The following RAB19 variants were observed in gnomAD, a reference collection of about 807,000 sequenced individuals.
The protein encoded by RAB19 is ras-related protein Rab-19.
In RAB19, 21 loss-of-function variants were observed where a neutral mutation model predicts 17.3. That is an observed-to-expected ratio of 1.21 (90% confidence interval 0.86 to 1.74). RAB19 has a LOEUF of 1.74. RAB19 is among the 40% of genes most tolerant of loss of function. The pLI, the probability that RAB19 is intolerant of heterozygous loss-of-function variation, is 0.00. For missense variants in RAB19, 277 were observed against 286.8 expected (o/e 0.97, Z 0.25); for synonymous variants, 126 against 110.4 (o/e 1.14, Z -0.88).
intron 2 of RAB19, among the ~76,000 whole-genome samples, chr7:140,409,682 A>T (rs892120750): frequency 6.6e-6 from 1 of 151,878 alleles, no homozygotes; most frequent in Non-Finnish European, 1.5e-5. Context: ...TGGGAGTCAG[A>T]GCAAGACTCT....
Position 140,424,619 on chromosome 7 carries a change from C to CTA in RAB19, c.386-1243_386-1242dup, listed in dbSNP as rs369975658. ...TCTCTCTCTCTCTCTCTCTCTCTCT[C>CTA]TATATATATATATATATATATGTGT... On this transcript the variant is annotated intron_variant, in intron 3 of 3. Coordinates refer to ENST00000537763, the MANE Select transcript of RAB19 (RefSeq NM_001008749.3). Among the ~76,000 whole-genome samples, 719 of 87,822 alleles carry CTA rather than the reference C, an allele frequency of 8.2e-3. 8 individuals carry two copies. The highest frequency in any genetic ancestry group is 0.015 in the African/African-American group (338 of 22,010). The allele number at this position is 87,822 out of a possible 152,430, so 57.6% of individuals were successfully genotyped here. A position where few individuals can be genotyped will look rare whatever the true frequency, so the allele number is the denominator to read the frequency against.
Position 140,426,140 on chromosome 7 carries a change from G to A in RAB19, c.644G>A (p.Cys215Tyr). The A allele has an allele frequency of 1.2e-6, 2 of 1,613,086 alleles. No individual in the cohort carries two copies. The highest frequency in any genetic ancestry group is 2.2e-5 in the South Asian group (2 of 91,002). The change falls in exon 4 of 4, where the codon TGC becomes TAC. Residue 215 changes from cysteine to tyrosine, a missense_variant. Transcript: ENST00000537763. ...CAGGGTCCAAGTGAAAAGACCCACT[G>A]CACTTGCTAAGATGTTTGCAAAGCC... ...MAQGPSEKTH[C>Y]TC
chr7:140,408,123 T>C (rs1466438226), intron 2 of RAB19, among the ~76,000 whole-genome samples: 2 of 151,382 alleles, frequency 1.3e-5, no homozygotes, highest in Non-Finnish European at 2.9e-5. Flanking sequence ...CCTGACCTCA[T>C]GATCCACCCA....
chr7:140,413,792 G>A (rs1333533664), intron 3 of RAB19, among the ~76,000 whole-genome samples: 4 of 152,174 alleles, frequency 2.6e-5, no homozygotes, highest in African/African-American at 7.2e-5. Flanking sequence ...ACAAACGGCC[G>A]GGGTGGACAG....
At chr7:140,410,318 T>TTTC (rs1799333070) in intron 2 of RAB19, among the ~76,000 whole-genome samples, 2 of 107,156 alleles carry the variant, frequency 1.9e-5, no homozygotes, top group Non-Finnish European at 4.0e-5. Flanking sequence ...TTTTTCTTTT[T>TTTC]TTTTTTTTTT....
chr7:140,418,731 C>T (rs1431331896), intron 3 of RAB19, among the ~76,000 whole-genome samples: 5 of 151,374 alleles, frequency 3.3e-5, no homozygotes, highest in African/African-American at 7.3e-5. Flanking sequence ...TGATGGCATG[C>T]GCCTGTAGTC....
intron 2 of RAB19, among the ~76,000 whole-genome samples, chr7:140,410,605 C>T (rs1160170627): frequency 3.3e-5 from 5 of 152,158 alleles, no homozygotes; most frequent in Admixed American, 2.0e-4. Flanking sequence ...GGATTACAGG[C>T]GTGAGCCACC....
chr7:140,414,068 G>A (rs974515267), intron 3 of RAB19, among the ~76,000 whole-genome samples: 5 of 151,910 alleles, frequency 3.3e-5, no homozygotes, highest in Admixed American at 6.6e-5. Context: ...TTTTTGAGAC[G>A]GAGTCTTACT....
intron 2 of RAB19, among the ~76,000 whole-genome samples, chr7:140,410,375 G>A (rs1465518141): frequency 7.9e-6 from 1 of 127,050 alleles, no homozygotes; most frequent in Non-Finnish European, 1.6e-5. Context: ...GCCGAACTGC[G>A]GACTGCAGTG....
In RAB19 at chr7:140,426,138, C is replaced by A; in HGVS notation, c.642C>A (p.His214Gln). ...CCCAGGGTCCAAGTGAAAAGACCCA[C>A]TGCACTTGCTAAGATGTTTGCAAAG... is the stretch of plus-strand genomic sequence containing the variant. The part of the protein sequence containing the change: ...LMAQGPSEKT[H>Q]CTC The change falls in exon 4 of 4, where the codon CAC becomes CAA. Residue 214 changes from histidine (H) to glutamine (Q), a missense_variant. Physicochemically the swap from His to Gln is conservative, Grantham distance 24. Transcript: ENST00000537763. 1 of 1,613,102 alleles carries A rather than the reference C, an allele frequency of 6.2e-7. No homozygotes were observed. The highest frequency in any genetic ancestry group is 8.5e-7 in the Non-Finnish European group (1 of 1,179,574).
chr7:140,415,774 GCAC>G (rs386718457), intron 3 of RAB19, among the ~76,000 whole-genome samples: 71,661 of 151,150 alleles, frequency 0.47, 18,052 homozygotes, highest in Non-Finnish European at 0.57. Flanking sequence ...ATGTGGTGGT[GCAC>G]GCCTGGAGTC....
chr7:140,418,037 A>C (rs1215537151), intron 3 of RAB19, among the ~76,000 whole-genome samples: 1 of 152,104 alleles, frequency 6.6e-6, no homozygotes, highest in Admixed American at 6.6e-5. Flanking sequence ...CTATTGTAGC[A>C]CTCAAATGTG....
chr7:140,421,999 G>A (rs1442877868), intron 3 of RAB19, among the ~76,000 whole-genome samples: 8 of 151,912 alleles, frequency 5.3e-5, no homozygotes. Flanking sequence ...TTTACATTTA[G>A]ATCTACCTGT....
rs1323234231 is a variant in RAB19, at chr7:140,418,577, TA to T, written c.385+6535del. 1.0e-2 allele frequency among the ~76,000 whole-genome samples: 1,264 copies of T among 126,768 alleles called. 1 individual carries two copies. Among genetic ancestry groups the T allele is most frequent in the Admixed American group, 0.013 (164 of 12,496 alleles). 83.2% of individuals were successfully genotyped at this position (126,768 alleles called of 152,430 possible). A position where few individuals can be genotyped will look rare whatever the true frequency, so the allele number is the denominator to read the frequency against. On this transcript the variant is annotated intron_variant, in intron 3 of 3. Transcript: ENST00000537763. ...GGTGACAGAGACAGACTCTGTCTCT[TA>T]AAAAAAAAAAAAAAGAAGAATATTG...
chr7:140,404,949 G>A (rs981327636), intron 1 of RAB19, among the ~76,000 whole-genome samples: 6 of 152,200 alleles, frequency 3.9e-5, no homozygotes, highest in Non-Finnish European at 7.3e-5. Flanking sequence ...ATGGAGGGAG[G>A]TGTCAATCCC....
At position 140,426,688 on chromosome 7, in the gene RAB19, G is replaced by A. The variant is rs563241318; in HGVS notation, c.*538G>A. 5.3e-5 allele frequency among the ~76,000 whole-genome samples: 8 copies of A among 152,068 alleles called. No individual in the cohort carries two copies. The highest frequency in any genetic ancestry group is 1.2e-4 in the African/African-American group (5 of 41,400). ...ACCTCAGGTCTTCACTTTGGGGAGC[G>A]AAGCCTTTTAGCAGAAATACCAGAA... On this transcript the variant is annotated 3_prime_UTR_variant, in exon 4 of 4. Transcript: ENST00000537763.
chr7:140,405,745 T>C (rs1799226399), intron 1 of RAB19, among the ~76,000 whole-genome samples: 1 of 138,418 alleles, frequency 7.2e-6, no homozygotes, highest in South Asian at 2.2e-4. Context: ...TTTGAGATCA[T>C]ACCACTGCAC....
chr7:140,412,520 C>T (rs917412991), intron 3 of RAB19, among the ~76,000 whole-genome samples: 1 of 150,796 alleles, frequency 6.6e-6, no homozygotes, highest in African/African-American at 2.4e-5. Context: ...GCCACCATGC[C>T]CAGCCCATTT....
chr7:140,405,103 G>A (rs762916560), intron 1 of RAB19, among the ~76,000 whole-genome samples: 4 of 151,774 alleles, frequency 2.6e-5, no homozygotes, highest in South Asian at 2.1e-4. Flanking sequence ...TGACTTGGTC[G>A]ATTGGTGTTT....
Sources: allele counts gnomAD v4.1 joint callset (sites outside exome capture counted in the v4.1 genomes callset), GRCh38; gene constraint gnomAD v4.1.1; transcripts MANE v1.5; gene names NCBI Gene and HGNC (gene_info 2026-07-23, HGNC 2026-07-21).